LPGAT1: variants seen among roughly 807,000 people sequenced by gnomAD.
The protein encoded by LPGAT1 is acyl-CoA:lysophosphatidylglycerol acyltransferase 1.
In LPGAT1, 11 loss-of-function variants were observed where a neutral mutation model predicts 47.5. That is an observed-to-expected ratio of 0.23 (90% confidence interval 0.15 to 0.38). LPGAT1 has a LOEUF of 0.38. Ranked by LOEUF, LPGAT1 falls within the 10% of genes least tolerant of loss-of-function variation. The pLI is 1.00. For synonymous variants in LPGAT1, 138 were observed against 144.2 expected (o/e 0.96, Z 0.31); for missense variants, 293 against 439.0 (o/e 0.67, Z 2.97).
chr1:211,769,572 G>T (rs1658079106), intron 6 of LPGAT1, among the ~76,000 whole-genome samples: 1 of 152,132 alleles, frequency 6.6e-6, no homozygotes, highest in Admixed American at 6.6e-5. Context: ...ATAAAAGAAT[G>T]GCTACTCCAT....
At chr1:211,777,939 T>C (rs906586595) in intron 6 of LPGAT1, among the ~76,000 whole-genome samples, 1 of 152,202 alleles carries the variant, frequency 6.6e-6, no homozygotes, top group East Asian at 1.9e-4. Flanking sequence ...AAAAGCAAGA[T>C]GGCCACAAGA....
chr1:211,774,920 TC>T (rs1347097727), intron 6 of LPGAT1, among the ~76,000 whole-genome samples: 3 of 152,226 alleles, frequency 2.0e-5, no homozygotes, highest in Non-Finnish European at 4.4e-5. Flanking sequence ...AACATTCTGC[TC>T]CACATTCTGG....
intron 2 of LPGAT1, among the ~76,000 whole-genome samples, chr1:211,801,613 A>G (rs1659577410): frequency 6.6e-6 from 1 of 151,760 alleles, no homozygotes; most frequent in Non-Finnish European, 1.5e-5. Context: ...GAGGCTGAGA[A>G]GGGAGGATCA....
chr1:211,750,209 G>T (rs1346645336), intron 7 of LPGAT1, among the ~76,000 whole-genome samples, 159 bp from the exon 8 acceptor site: 1 of 152,172 alleles, frequency 6.6e-6, no homozygotes, highest in African/African-American at 2.4e-5. Flanking sequence ...TACAATTTCT[G>T]TACTACCTAG....
At chr1:211,829,677 G>A (rs1468507229) in intron 1 of LPGAT1, 1 of 1,053,742 alleles carries the variant, frequency 9.5e-7, no homozygotes, top group Non-Finnish European at 1.1e-6. Flanking sequence ...ACAACCTCAG[G>A]ATCTCCAAAC....
chr1:211,762,350 C>T (rs757896416), intron 6 of LPGAT1, among the ~76,000 whole-genome samples: 14 of 152,132 alleles, frequency 9.2e-5, no homozygotes, highest in Admixed American at 6.5e-5. Flanking sequence ...AACACGGGGA[C>T]GGGGCTATGT....
At chr1:211,771,311 G>A (rs1293372410) in intron 6 of LPGAT1, among the ~76,000 whole-genome samples, 1 of 152,060 alleles carries the variant, frequency 6.6e-6, no homozygotes, top group Non-Finnish European at 1.5e-5. Context: ...TACACCCTAT[G>A]ATGTTCGTAC....
intron 2 of LPGAT1, among the ~76,000 whole-genome samples, chr1:211,820,942 T>C (rs1343610251): frequency 6.6e-6 from 1 of 152,160 alleles, no homozygotes; most frequent in Non-Finnish European, 1.5e-5. Flanking sequence ...AGAATCCCTT[T>C]GGGCAGACAG....
At chr1:211,829,843 T>C (rs1660663993) in intron 1 of LPGAT1, 1 of 984,528 alleles carries the variant, frequency 1.0e-6, no homozygotes, top group Non-Finnish European at 1.2e-6. Context: ...AAAATTCTCA[T>C]TTGTAGCAAT....
intron 2 of LPGAT1, among the ~76,000 whole-genome samples, chr1:211,823,437 C>T (rs1330292891): frequency 6.6e-6 from 1 of 152,128 alleles, no homozygotes; most frequent in Non-Finnish European, 1.5e-5. Context: ...CCCCTATTCC[C>T]TCCCTGTCAC....
At chr1:211,794,973 G>A (rs1263577829) in intron 2 of LPGAT1, among the ~76,000 whole-genome samples, 2 of 152,134 alleles carry the variant, frequency 1.3e-5, no homozygotes, top group African/African-American at 2.4e-5. Context: ...GATTGTAAAA[G>A]CAAAGATGAA....
At chr1:211,777,418 G>A (rs373380053) in intron 6 of LPGAT1, among the ~76,000 whole-genome samples, 129 of 152,196 alleles carry the variant, frequency 8.5e-4, no homozygotes, top group African/African-American at 2.9e-3. Flanking sequence ...TAGTTGCCAC[G>A]GGTTGAGGTC....
intron 2 of LPGAT1, among the ~76,000 whole-genome samples, chr1:211,795,770 CACAA>C (rs761334838): frequency 1.3e-5 from 2 of 152,316 alleles, no homozygotes; most frequent in Non-Finnish European, 2.9e-5. Flanking sequence ...CATACAAACA[CACAA>C]ACACACACAC....
intron 6 of LPGAT1, among the ~76,000 whole-genome samples, chr1:211,778,122 C>T (rs2102529783): frequency 6.6e-6 from 1 of 152,240 alleles, no homozygotes; most frequent in Non-Finnish European, 1.5e-5. Context: ...GCAGGCGGAT[C>T]ACAAGGTCAG....
At chr1:211,828,753 C>T (rs1238391014) in intron 2 of LPGAT1, among the ~76,000 whole-genome samples, 1 of 152,126 alleles carries the variant, frequency 6.6e-6, no homozygotes, top group Admixed American at 6.5e-5. Flanking sequence ...ACTTTATAAG[C>T]TCTCGAGTCC....
intron 3 of LPGAT1, 56 bp downstream of exon 3, chr1:211,793,016 A>C (rs1659197721): frequency 8.1e-7 from 1 of 1,239,062 alleles, no homozygotes; most frequent in African/African-American, 1.5e-5. Flanking sequence ...GGCCAAATGG[A>C]TTCCTTTTTA....
chr1:211,762,243 AT>A, intron 6 of LPGAT1, among the ~76,000 whole-genome samples: 1 of 152,382 alleles, frequency 6.6e-6, no homozygotes, highest in East Asian at 1.9e-4. Flanking sequence ...ACAGAAGAAC[AT>A]TAAAAATAAG....
At chr1:211,806,523 G>A (rs993402084) in intron 2 of LPGAT1, among the ~76,000 whole-genome samples, 1 of 152,102 alleles carries the variant, frequency 6.6e-6, no homozygotes, top group Non-Finnish European at 1.5e-5. Flanking sequence ...ACTCCAAAAA[G>A]GGATGGGATG....
chr1:211,751,515 C>A (rs114290319), intron 6 of LPGAT1, among the ~76,000 whole-genome samples: 4 of 152,088 alleles, frequency 2.6e-5, no homozygotes, highest in Admixed American at 6.6e-5. Flanking sequence ...AGAGACTCTG[C>A]CCAAATCGGT....
Sources: gnomAD v4.1 joint callset for allele counts (sites outside exome capture counted in the v4.1 genomes callset) on GRCh38, gnomAD v4.1.1 for gene constraint, MANE v1.5 for transcripts, NCBI Gene and HGNC (gene_info 2026-07-23, HGNC 2026-07-21) for gene names.